The following SLC9A7 variants were observed in gnomAD, a reference collection of about 807,000 sequenced individuals.
The protein encoded by SLC9A7 is solute carrier family 9 member A7, also known as sodium/hydrogen exchanger 7.
A neutral mutation model predicts 52.6 loss-of-function variants in SLC9A7; 19 were observed. The observed-to-expected ratio is 0.36, with a 90% CI of 0.25 to 0.53. SLC9A7 has a LOEUF of 0.53. Ranked by LOEUF, SLC9A7 falls within the 20% of genes least tolerant of loss-of-function variation. SLC9A7 has a pLI of 0.91. For synonymous variants in SLC9A7, 226 were observed against 252.1 expected (o/e 0.90, Z 0.98); for missense variants, 455 against 597.9 (o/e 0.76, Z 2.49).
intron 13 of SLC9A7, among the ~76,000 whole-genome samples, chrX:46,634,685 G>A (rs1290075159): frequency 8.9e-6 from 1 of 111,828 alleles, no homozygotes; most frequent in African/African-American, 3.3e-5. Context: ...ATGAACATGT[G>A]TGTGTAGAAA....
intron 1 of SLC9A7, among the ~76,000 whole-genome samples, chrX:46,685,858 T>C (rs771749015): frequency 1.8e-5 from 2 of 112,013 alleles, no homozygotes; most frequent in South Asian, 7.5e-4. Context: ...TAACTTAAAT[T>C]GTCATCAGGA....
intron 5 of SLC9A7, among the ~76,000 whole-genome samples, chrX:46,667,593 C>T (rs1174682104): frequency 8.9e-6 from 1 of 111,923 alleles, no homozygotes; most frequent in Non-Finnish European, 1.9e-5. Flanking sequence ...AATGGACTTG[C>T]AGATTATAGA....
intron 1 of SLC9A7, among the ~76,000 whole-genome samples, chrX:46,732,227 G>A (rs998562174): frequency 5.5e-5 from 6 of 109,180 alleles, no homozygotes; most frequent in Admixed American, 9.8e-5. Flanking sequence ...ATAAAATGAC[G>A]TTGAGACATC....
chrX:46,634,535 A>G (rs1450071762), intron 13 of SLC9A7, among the ~76,000 whole-genome samples: 1 of 111,612 alleles, frequency 9.0e-6, no homozygotes, highest in Non-Finnish European at 1.9e-5. Context: ...CACCTTGAAC[A>G]CCATATCATA....
In SLC9A7 at chrX:46,602,644, AC is replaced by A. The variant is rs1187307986; in HGVS notation, c.*4307del. On this transcript the variant is annotated 3_prime_UTR_variant, in exon 17 of 17. Coordinates refer to ENST00000616978, the MANE Select transcript of SLC9A7 (RefSeq NM_001257291.2). ...GCTCTAGAACATCGGACTCGGCTGA[AC>A]TGTCGTCCCCACCAACCCAGAACAA... The A allele has an allele frequency of 1.8e-5, 2 of 112,691 alleles. No homozygotes were observed. The highest frequency in any genetic ancestry group is 6.4e-5 in the African/African-American group (2 of 31,021). The allele number at this position is 112,691 out of a possible 1,213,427, so 9.3% of individuals were successfully genotyped here. A position where few individuals can be genotyped will look rare whatever the true frequency, so the allele number is the denominator to read the frequency against.
At chrX:46,624,504 G>T (rs912546233) in intron 14 of SLC9A7, among the ~76,000 whole-genome samples, 7 of 112,492 alleles carry the variant, frequency 6.2e-5, no homozygotes, top group Non-Finnish European at 9.4e-5. Context: ...AACTGTAAAA[G>T]ATTTTTCATT....
intron 1 of SLC9A7, among the ~76,000 whole-genome samples, chrX:46,756,720 A>G (rs1271278936): frequency 8.9e-6 from 1 of 112,358 alleles, no homozygotes; most frequent in African/African-American, 3.2e-5. Flanking sequence ...AAACACTAAT[A>G]CTCAAAGATA....
At chrX:46,730,584 C>G (rs1945011940) in intron 1 of SLC9A7, among the ~76,000 whole-genome samples, 1 of 98,886 alleles carries the variant, frequency 1.0e-5, no homozygotes, top group East Asian at 3.3e-4. Flanking sequence ...TGCTTGAGCC[C>G]AGGAGGTCAA....
At chrX:46,626,878 A>G (rs1243859093) in intron 14 of SLC9A7, among the ~76,000 whole-genome samples, 1 of 112,237 alleles carries the variant, frequency 8.9e-6, no homozygotes, top group Non-Finnish European at 1.9e-5. Context: ...TTGCAGAACT[A>G]TGAGTCAATT....
intron 14 of SLC9A7, among the ~76,000 whole-genome samples, chrX:46,624,020 T>C (rs760317104): frequency 8.9e-6 from 1 of 112,032 alleles, no homozygotes; most frequent in African/African-American, 3.2e-5. Flanking sequence ...TAATCAACCA[T>C]GCCTATGTAA....
intron 1 of SLC9A7, among the ~76,000 whole-genome samples, chrX:46,732,106 G>A (rs1292349453): frequency 2.7e-5 from 3 of 109,749 alleles, no homozygotes; most frequent in South Asian, 3.9e-4. Flanking sequence ...CCTGTAATCC[G>A]AGCTACTCAA....
chrX:46,717,019 C>T (rs918072148), intron 1 of SLC9A7, among the ~76,000 whole-genome samples: 4 of 112,170 alleles, frequency 3.6e-5, no homozygotes, highest in African/African-American at 9.7e-5. Context: ...CCAGAATAAC[C>T]GCATTTTCCT....
chrX:46,678,412 T>TTTTATTTATTTATTTATTTATTTA (rs368646149), intron 3 of SLC9A7, among the ~76,000 whole-genome samples: 13 of 91,000 alleles, frequency 1.4e-4, no homozygotes, highest in Non-Finnish European at 2.3e-4. Context: ...TGGCATTTGT[T>TTTTATTTATTTATTTATTTATTTA]TTTATTTATT....
At chrX:46,611,920 T>G (rs1346892054) in intron 16 of SLC9A7, among the ~76,000 whole-genome samples, 2 of 111,893 alleles carry the variant, frequency 1.8e-5, no homozygotes, top group African/African-American at 6.5e-5. Context: ...CTATACCACA[T>G]GAATGTGCAC....
chrX:46,722,933 A>G lies in SLC9A7; in HGVS notation c.325+35772T>C, dbSNP rs759801226. Among the ~76,000 whole-genome samples the G allele has an allele frequency of 3.6e-5, 4 of 112,141 alleles. No homozygotes were observed. In the Admixed American group the frequency reaches 3.8e-4, roughly 11 times the overall value. On this transcript the variant is annotated intron_variant, in intron 1 of 16. Transcript: ENST00000616978. Reference sequence around the variant, plus strand: ...CACTTCATTTGGTGCAAAATATGACAATGAAAAACACAACTTGATCAACCT... The same window carrying G: ...CACTTCATTTGGTGCAAAATATGACGATGAAAAACACAACTTGATCAACCT...
chrX:46,743,757 C>T (rs1035085071), intron 1 of SLC9A7, among the ~76,000 whole-genome samples: 1 of 111,419 alleles, frequency 9.0e-6, no homozygotes, highest in Non-Finnish European at 1.9e-5. Context: ...ATATAAGCAA[C>T]ACTTTAAATC....
chrX:46,645,174 C>T (rs1943469577), intron 11 of SLC9A7, among the ~76,000 whole-genome samples: 1 of 112,358 alleles, frequency 8.9e-6, no homozygotes, highest in African/African-American at 3.2e-5. Context: ...CAGCACTGTG[C>T]ACTTCTCAGC....
intron 14 of SLC9A7, among the ~76,000 whole-genome samples, chrX:46,625,002 T>C (rs139472768): frequency 0.011 from 1,255 of 111,146 alleles, 10 homozygotes; most frequent in South Asian, 0.032. Context: ...AAGGTGAAGG[T>C]GGCGAGGGTT....
intron 3 of SLC9A7, among the ~76,000 whole-genome samples, chrX:46,675,061 A>ATGTGTGTGTGTGTGTGTG (rs397895552): frequency 1.5e-5 from 1 of 68,863 alleles, no homozygotes; most frequent in Non-Finnish European, 3.0e-5. Flanking sequence ...GAGAGAGTGA[A>ATGTGTGTGTGTGTGTGTG]TGTGTGTGTG....
Sources: allele counts gnomAD v4.1 joint callset (sites outside exome capture counted in the v4.1 genomes callset), GRCh38; gene constraint gnomAD v4.1.1; transcripts MANE v1.5; gene names NCBI Gene and HGNC (gene_info 2026-07-23, HGNC 2026-07-21).